The following PTGER3 variants were observed in gnomAD, a reference collection of about 807,000 sequenced individuals.
PTGER3 encodes the protein prostaglandin E2 receptor EP3 subtype.
In PTGER3, 22 loss-of-function variants were observed where a neutral mutation model predicts 34.7. The ratio of observed to expected loss-of-function variants is 0.63; its 90% CI spans 0.45 to 0.91. The LOEUF (loss-of-function observed/expected upper bound fraction) is 0.91, where lower values mean the gene tolerates loss of function less well. PTGER3 is among the 40% of genes least tolerant of loss of function. PTGER3 has a pLI of 0.00. For missense variants in PTGER3, 468 were observed against 519.4 expected (o/e 0.90, Z 0.96); for synonymous variants, 241 against 230.1 (o/e 1.05, Z -0.43).
At chr1:70,917,441 G>GTGTGTATA (rs376536515) in intron 4 of PTGER3, among the ~76,000 whole-genome samples, 1 of 137,352 alleles carries the variant, frequency 7.3e-6, no homozygotes, top group African/African-American at 3.1e-5. Flanking sequence ...GTGTGTGTGT[G>GTGTGTATA]TATACAATCA....
chr1:70,877,038 CT>C (rs2100572159), intron 4 of PTGER3, among the ~76,000 whole-genome samples: 1 of 152,244 alleles, frequency 6.6e-6, no homozygotes, highest in Non-Finnish European at 1.5e-5. Context: ...CTGTAAATTG[CT>C]TTGGGAAGTG....
intron 1 of PTGER3, among the ~76,000 whole-genome samples, chr1:71,023,409 G>A (rs1262727103): frequency 6.6e-6 from 1 of 151,790 alleles, no homozygotes; most frequent in Admixed American, 6.6e-5. Context: ...CTCAAAATAT[G>A]TTAGCATTTC....
intron 4 of PTGER3, chr1:70,947,378 T>G (rs1650319130): frequency 6.5e-6 from 1 of 153,746 alleles, no homozygotes; most frequent in Non-Finnish European, 1.4e-5. Context: ...CAGGGGTTTC[T>G]GCTTTTGCTT....
intron 4 of PTGER3, among the ~76,000 whole-genome samples, chr1:70,906,142 C>G (rs866970499): frequency 6.6e-6 from 1 of 152,104 alleles, no homozygotes; most frequent in South Asian, 2.1e-4. Context: ...CTGAGGCCTC[C>G]GCAGCCATGT....
chr1:70,875,533 C>T (rs1646254597), intron 4 of PTGER3, among the ~76,000 whole-genome samples: 1 of 152,092 alleles, frequency 6.6e-6, no homozygotes. Context: ...GTAAATTGCA[C>T]ATCACAGAGG....
At chr1:70,959,443 T>A (rs1344155261) in intron 2 of PTGER3, among the ~76,000 whole-genome samples, 1 of 151,686 alleles carries the variant, frequency 6.6e-6, no homozygotes, top group Non-Finnish European at 1.5e-5. Context: ...AACCTCCACC[T>A]CCCTGCTCAA....
At chr1:70,898,295 C>G (rs1316285289) in intron 4 of PTGER3, among the ~76,000 whole-genome samples, 1 of 152,126 alleles carries the variant, frequency 6.6e-6, no homozygotes, top group African/African-American at 2.4e-5. Context: ...TCTCCTTTCC[C>G]CTTTTCTTTG....
At position 70,942,606 on chromosome 1, in the gene PTGER3, C is replaced by T. The variant is rs1194996354; in HGVS notation, c.*23+11157G>A. 3.9e-5 allele frequency among the ~76,000 whole-genome samples: 6 copies of T among 152,206 alleles called. No individual in the cohort carries two copies. The South Asian group carries it at 6.2e-4, about 16-fold the overall frequency. On this transcript the variant is annotated intron_variant, in intron 4 of 4. Coordinates refer to the PTGER3 transcript ENST00000370931. ...AGACTGGGTCAAGCAACACTACTCT[C>T]GAAAATTTCTCTTGTTTTGGGTGGA...
chr1:70,899,682 G>A (rs1359834), intron 4 of PTGER3, among the ~76,000 whole-genome samples: 135,071 of 151,874 alleles, frequency 0.89, 60,172 homozygotes, highest in East Asian at 1. Flanking sequence ...TGGGTTTTAT[G>A]CTAGTAGTTG....
chr1:70,933,042 A>G (rs1648869458), intron 4 of PTGER3, among the ~76,000 whole-genome samples: 1 of 152,124 alleles, frequency 6.6e-6, no homozygotes, highest in Non-Finnish European at 1.5e-5. Context: ...CTATTGTGTT[A>G]TAATTATTTA....
intron 4 of PTGER3, among the ~76,000 whole-genome samples, chr1:70,888,838 A>G (rs1646552671): frequency 6.6e-6 from 1 of 152,146 alleles, no homozygotes; most frequent in Non-Finnish European, 1.5e-5. Context: ...AATTAGAAAA[A>G]GATGCCTGTT....
chr1:70,986,375 T>C (rs1572858969), intron 2 of PTGER3, among the ~76,000 whole-genome samples: 1 of 152,250 alleles, frequency 6.6e-6, no homozygotes. Flanking sequence ...GAACTGTCTT[T>C]TGGGATCTGG....
At chr1:70,874,691 A>G (rs1211083150) in intron 4 of PTGER3, among the ~76,000 whole-genome samples, 1 of 152,030 alleles carries the variant, frequency 6.6e-6, no homozygotes, top group African/African-American at 2.4e-5. Flanking sequence ...TCTCTCTCTG[A>G]AACTTCCCCA....
At chr1:70,975,249 T>C (rs1451297991) in intron 2 of PTGER3, among the ~76,000 whole-genome samples, 1 of 152,144 alleles carries the variant, frequency 6.6e-6, no homozygotes, top group Non-Finnish European at 1.5e-5. Flanking sequence ...TGGATAAGCA[T>C]TTGTGGCCTG....
At chr1:70,998,367 CTATT>C (rs1433688889) in intron 2 of PTGER3, 1 of 152,168 alleles carries the variant, frequency 6.6e-6, no homozygotes, top group African/African-American at 2.4e-5. Flanking sequence ...TTTGGGAAAG[CTATT>C]TAAGTCCTAA....
intron 1 of PTGER3, among the ~76,000 whole-genome samples, chr1:71,037,592 G>T (rs575578559): frequency 6.6e-6 from 1 of 152,102 alleles, no homozygotes; most frequent in Non-Finnish European, 1.5e-5. Context: ...AAGTTTTTAC[G>T]TATTTTCCCC....
At position 71,046,737 on chromosome 1, in the gene PTGER3, C is replaced by T. The variant is rs1208867438; in HGVS notation, c.841G>A (p.Ala281Thr). The change falls in exon 1 of 4, where the codon GCC (alanine) becomes ACC (threonine). Residue 281 changes from alanine to threonine, a missense_variant. This residue lies in a region of PTGER3 where 204 missense variants were observed against 230.8 expected (regional missense o/e 0.88). Transcript: ENST00000306666. ...AQWGRITTET[A>T]IQLMGIMCVL... ...CACATGATCCCCATAAGCTGAATGG[C>T]CGTCTCGGTCGTGATGCGGCCCCAC... 1 of 1,610,340 alleles carries T rather than the reference C, an allele frequency of 6.2e-7. No homozygotes were observed. Among genetic ancestry groups the T allele is most frequent in the Non-Finnish European group, 8.5e-7 (1 of 1,178,194 alleles).
chr1:70,875,280 A>C (rs1354918529), intron 4 of PTGER3, among the ~76,000 whole-genome samples: 1 of 152,194 alleles, frequency 6.6e-6, no homozygotes, highest in Non-Finnish European at 1.5e-5. Flanking sequence ...GGGGTTTGAC[A>C]GGTTACTGTC....
intron 1 of PTGER3, among the ~76,000 whole-genome samples, chr1:71,014,922 T>C (rs1376091750): frequency 1.3e-5 from 2 of 152,206 alleles, no homozygotes; most frequent in Non-Finnish European, 2.9e-5. Flanking sequence ...CTTCCCATTG[T>C]CCATCGAACA....
Sources: gnomAD v4.1 joint callset for allele counts (sites outside exome capture counted in the v4.1 genomes callset) on GRCh38, gnomAD v4.1.1 for gene constraint, gnomAD v4.1.1 regional missense constraint, MANE v1.5 for transcripts, NCBI Gene and HGNC (gene_info 2026-07-23, HGNC 2026-07-21) for gene names.